Variants in RALYL observed in about 807,000 individuals in gnomAD.
RALYL encodes the protein RNA-binding Raly-like protein.
Under a neutral mutation model 35.1 loss-of-function variants are expected in RALYL, and 29 were observed. The observed-to-expected ratio is 0.83, with a 90% confidence interval of 0.61 to 1.13. The LOEUF is 1.13. Among genes scored for constraint, RALYL ranks in the 50% most tolerant of loss-of-function variants. The probability of loss-of-function intolerance (pLI) is 0.00; values close to 1 mark genes in which losing one functional copy is unlikely to be tolerated. For synonymous variants in RALYL, 120 were observed against 127.6 expected, an observed-to-expected ratio of 0.94 and a Z score of 0.40; for missense variants, 359 against 360.4, an observed-to-expected ratio of 1.00 and a Z score of 0.03.
intron 4 of RALYL, among the ~76,000 whole-genome samples, chr8:84,814,460 G>GTAAT (rs1170848575): frequency 3.3e-5 from 5 of 152,100 alleles, no homozygotes; most frequent in African/African-American, 1.2e-4. Flanking sequence ...ATGAATACTA[G>GTAAT]TAATTGTCAT....
At chr8:84,392,521 A>G (rs981648057) in intron 1 of RALYL, among the ~76,000 whole-genome samples, 1 of 152,076 alleles carries the variant, frequency 6.6e-6, no homozygotes, top group African/African-American at 2.4e-5. Context: ...CAACATTTAA[A>G]ATATTTAAAA....
rs2045669932 is a variant in RALYL, at chr8:84,421,916, T to C, written c.-23-107383T>C. On this transcript the variant is annotated intron_variant, in intron 1 of 8. Transcript: ENST00000521268. ...ATGAAGCCCACTTGATCATGGTGGA[T>C]AAGCTTTTTGATGTGCTGCTGGATT... Among the ~76,000 whole-genome samples the C allele has an allele frequency of 5.3e-5, 8 of 151,204 alleles. No homozygotes were observed. The South Asian group carries it at 1.7e-3, about 32-fold the overall frequency.
At chr8:84,280,588 C>G (rs530305259) in intron 1 of RALYL, among the ~76,000 whole-genome samples, 1 of 151,836 alleles carries the variant, frequency 6.6e-6, no homozygotes, top group Admixed American at 6.6e-5. Flanking sequence ...ACACCACACA[C>G]AGAGTACATC....
At chr8:84,318,887 T>G (rs540867928) in intron 1 of RALYL, among the ~76,000 whole-genome samples, 1 of 152,322 alleles carries the variant, frequency 6.6e-6, no homozygotes, top group African/African-American at 2.4e-5. Context: ...TATTTATTAA[T>G]ATTTTCCTCC....
intron 2 of RALYL, among the ~76,000 whole-genome samples, chr8:84,666,971 C>G (rs1329662668): frequency 1.3e-5 from 2 of 152,020 alleles, no homozygotes; most frequent in South Asian, 2.1e-4. Context: ...AGTAAGTAAT[C>G]TGTGATTACA....
intron 5 of RALYL, among the ~76,000 whole-genome samples, chr8:84,851,932 C>T (rs139115829): frequency 1.3e-5 from 2 of 152,306 alleles, no homozygotes; most frequent in African/African-American, 4.8e-5. Context: ...TCTTCCTTCC[C>T]CCACCTGAAC....
At chr8:84,390,354 C>G (rs1860357785) in intron 1 of RALYL, among the ~76,000 whole-genome samples, 1 of 152,086 alleles carries the variant, frequency 6.6e-6, no homozygotes, top group South Asian at 2.1e-4. Flanking sequence ...ATGCTGGCCT[C>G]ATAAAATGAG....
intron 2 of RALYL, among the ~76,000 whole-genome samples, chr8:84,689,821 A>C (rs1023214343): frequency 2.0e-5 from 3 of 152,094 alleles, no homozygotes; most frequent in Non-Finnish European, 2.9e-5. Flanking sequence ...CATTTCTCTG[A>C]TGGCCAGTGA....
chr8:84,497,504 A>G (rs1320938912), intron 1 of RALYL, among the ~76,000 whole-genome samples: 1 of 152,178 alleles, frequency 6.6e-6, no homozygotes, highest in Non-Finnish European at 1.5e-5. Flanking sequence ...ACTTTTCATA[A>G]TATGCCAAAT....
At chr8:84,239,685 G>A (rs1265690687) in intron 1 of RALYL, among the ~76,000 whole-genome samples, 1 of 152,050 alleles carries the variant, frequency 6.6e-6, no homozygotes, top group African/African-American at 2.4e-5. Context: ...GAGATCAGGA[G>A]TTCCAGACCA....
At chr8:84,866,619 G>A (rs955047019) in intron 6 of RALYL, among the ~76,000 whole-genome samples, 2 of 152,044 alleles carry the variant, frequency 1.3e-5, no homozygotes, top group Admixed American at 1.3e-4. Context: ...TAATCTTACT[G>A]CCTTCTCTGT....
chr8:84,292,324 A>G (rs1040459220), intron 1 of RALYL, among the ~76,000 whole-genome samples: 2 of 152,164 alleles, frequency 1.3e-5, no homozygotes, highest in South Asian at 4.1e-4. Context: ...TATTCTCCTC[A>G]TATTTCTGTG....
intron 1 of RALYL, among the ~76,000 whole-genome samples, chr8:84,185,972 AAGTT>A (rs768757118): frequency 3.3e-5 from 5 of 152,194 alleles, no homozygotes; most frequent in South Asian, 4.1e-4. Context: ...AGAAGATTAA[AAGTT>A]AGTGTAATAT....
chr8:84,632,670 T>A (rs1824181448), intron 2 of RALYL, among the ~76,000 whole-genome samples: 1 of 151,778 alleles, frequency 6.6e-6, no homozygotes. Context: ...AGTACAGTGG[T>A]GACCTTGACT....
At chr8:84,620,561 A>C (rs1821102838) in intron 2 of RALYL, among the ~76,000 whole-genome samples, 1 of 152,074 alleles carries the variant, frequency 6.6e-6, no homozygotes, top group African/African-American at 2.4e-5. Context: ...AGCTCAGAGT[A>C]ATTTGATCAT....
chr8:84,898,238 G>A (rs185183032), intron 8 of RALYL, among the ~76,000 whole-genome samples: 29 of 152,258 alleles, frequency 1.9e-4, no homozygotes, highest in East Asian at 3.9e-4. Context: ...ACTCTGGGGC[G>A]GACCCCAGTC....
chr8:84,917,295 C>T (rs1020437272), intron 8 of RALYL, among the ~76,000 whole-genome samples: 2 of 151,434 alleles, frequency 1.3e-5, no homozygotes, highest in Non-Finnish European at 2.9e-5. Flanking sequence ...TAAAACTGAA[C>T]AGTTAGGAGG....
At chr8:84,325,530 C>T (rs1845643388) in intron 1 of RALYL, among the ~76,000 whole-genome samples, 1 of 152,188 alleles carries the variant, frequency 6.6e-6, no homozygotes. Context: ...TCTGATTTGA[C>T]AGTCTCAAAG....
intron 2 of RALYL, among the ~76,000 whole-genome samples, chr8:84,547,137 C>T (rs1588112556): frequency 6.6e-6 from 1 of 151,998 alleles, no homozygotes; most frequent in Non-Finnish European, 1.5e-5. Flanking sequence ...TCCCAACAGG[C>T]CCCAGTGTGT....
Sources: gnomAD v4.1 joint callset for allele counts (sites outside exome capture counted in the v4.1 genomes callset) on GRCh38, gnomAD v4.1.1 for gene constraint, MANE v1.5 for transcripts, NCBI Gene and HGNC (gene_info 2026-07-23, HGNC 2026-07-21) for gene names.